IL1RAP: variants seen among roughly 807,000 people sequenced by gnomAD.
The protein encoded by IL1RAP is interleukin 1 receptor accessory protein.
A neutral mutation model predicts 60.7 loss-of-function variants in IL1RAP; 35 were observed. The observed-to-expected ratio is 0.58, with a 90% CI of 0.44 to 0.76. The LOEUF (loss-of-function observed/expected upper bound fraction) is 0.76, where lower values mean the gene tolerates loss of function less well. Among genes scored for constraint, IL1RAP ranks in the 30% least tolerant of loss-of-function variants. The probability of loss-of-function intolerance (pLI) is 0.00; values close to 1 mark genes in which losing one functional copy is unlikely to be tolerated. For synonymous variants in IL1RAP, 268 were observed against 250.9 expected (o/e 1.07, Z -0.64); for missense variants, 572 against 693.9 (o/e 0.82, Z 1.97).
At chr3:190,569,698 A>G (rs971782651) in intron 3 of IL1RAP, among the ~76,000 whole-genome samples, 3 of 152,144 alleles carry the variant, frequency 2.0e-5, no homozygotes, top group Non-Finnish European at 4.4e-5. Flanking sequence ...TTTAAGTACC[A>G]CATAATTGGC....
chr3:190,518,519 C>G (rs1721731109), intron 1 of IL1RAP: 2 of 152,092 alleles, frequency 1.3e-5, no homozygotes, highest in Non-Finnish European at 2.9e-5. Context: ...GAAACCGAGG[C>G]TCATAGAGTT....
Position 190,604,208 on chromosome 3 carries a change from C to T in IL1RAP, c.145C>T (p.Leu49Phe), listed in dbSNP as rs773812945. ...EDEPARIKCP[L>F]FEHFLKFNYS... ...TGAGCCAGCTCGCATCAAGTGCCCA[C>T]TCTTTGAACACTTCTTGAAATTCAA... Residue 49 changes from leucine (L) to phenylalanine (F), a missense_variant, in exon 4 of 12, where the codon CTC (leucine) becomes TTC (phenylalanine). Transcript: ENST00000447382. 1.9e-5 allele frequency: 31 copies of T among 1,613,994 alleles called. No individual in the cohort carries two copies. The South Asian group carries it at 3.2e-4, about 17-fold the overall frequency.
intron 1 of IL1RAP, among the ~76,000 whole-genome samples, chr3:190,529,621 G>T (rs1722812019): frequency 6.7e-6 from 1 of 149,640 alleles, no homozygotes; most frequent in Non-Finnish European, 1.5e-5. Context: ...GGAGGCGGAG[G>T]TTGCAGTGAG....
At chr3:190,592,046 A>G (rs771585990) in intron 3 of IL1RAP, among the ~76,000 whole-genome samples, 133 of 152,142 alleles carry the variant, frequency 8.7e-4, no homozygotes, top group Non-Finnish European at 1.7e-3. Flanking sequence ...TTGAGATGGA[A>G]TCTCGCTCTG....
At chr3:190,657,582 A>G (rs1460726299) in exon 12 of IL1RAP, 3 of 152,244 alleles carry the variant, frequency 2.0e-5, no homozygotes, top group African/African-American at 7.2e-5. Flanking sequence ...ATATGGCCAG[A>G]TACCAGCTTA....
intron 1 of IL1RAP, among the ~76,000 whole-genome samples, chr3:190,527,090 A>G (rs1722573795): frequency 6.6e-6 from 1 of 152,214 alleles, no homozygotes; most frequent in South Asian, 2.1e-4. Flanking sequence ...CTTGCTGGAA[A>G]GTTACTTTGT....
At position 190,634,707 on chromosome 3, in the gene IL1RAP, G is replaced by GTTTTTTTTTTTTT. The variant is rs1167445179; in HGVS notation, c.1051+5220_1051+5221insTTTTTTTTTTTTT. Among the ~76,000 whole-genome samples, 25 of 134,684 alleles carry GTTTTTTTTTTTTT rather than the reference G, an allele frequency of 1.9e-4. 2 individuals carry two copies. The highest frequency in any genetic ancestry group is 6.2e-4 in the African/African-American group (21 of 33,674). 88.4% of individuals were successfully genotyped at this position (134,684 alleles called of 152,430 possible). A position where few individuals can be genotyped will look rare whatever the true frequency, so the allele number is the denominator to read the frequency against. ...TCATATAACTATCTGGGCCTGTTGT[G>GTTTTTTTTTTTTT]TTTTTTTTTTTGTTGTTGTTTTTTT... On this transcript the variant is annotated intron_variant, in intron 9 of 11. Transcript: ENST00000447382.
chr3:190,631,640 T>A (rs1029025738), intron 9 of IL1RAP, among the ~76,000 whole-genome samples: 1 of 152,166 alleles, frequency 6.6e-6, no homozygotes, highest in Admixed American at 6.5e-5. Flanking sequence ...CAAAGCATTA[T>A]ATGAACTTCC....
intron 9 of IL1RAP, among the ~76,000 whole-genome samples, chr3:190,633,508 T>C (rs1309606784): frequency 6.6e-6 from 1 of 151,878 alleles, no homozygotes; most frequent in Non-Finnish European, 1.5e-5. Flanking sequence ...AGGTCCCCAC[T>C]ACCATACCCG....
At chr3:190,632,077 A>G (rs553411674) in intron 9 of IL1RAP, among the ~76,000 whole-genome samples, 35 of 152,324 alleles carry the variant, frequency 2.3e-4, no homozygotes, top group African/African-American at 8.4e-4. Context: ...TGCTGGGATT[A>G]CAGGTGTGAG....
At chr3:190,572,778 C>A (rs1210685900) in intron 3 of IL1RAP, among the ~76,000 whole-genome samples, 1 of 151,232 alleles carries the variant, frequency 6.6e-6, no homozygotes, top group Non-Finnish European at 1.5e-5. Context: ...AAAATAGAAA[C>A]CTTAAATATT....
At chr3:190,542,218 C>T (rs1411372556) in intron 1 of IL1RAP, among the ~76,000 whole-genome samples, 1 of 152,080 alleles carries the variant, frequency 6.6e-6, no homozygotes, top group Non-Finnish European at 1.5e-5. Flanking sequence ...AAATATTGAA[C>T]ACTTCATATA....
chr3:190,574,067 T>C (rs936762690), intron 3 of IL1RAP, among the ~76,000 whole-genome samples: 1 of 152,188 alleles, frequency 6.6e-6, no homozygotes, highest in African/African-American at 2.4e-5. Context: ...TCATTTAAAA[T>C]ACACCATGCT....
At chr3:190,629,761 G>GTGTC (rs1404938679) in intron 9 of IL1RAP, 2 of 1,159,606 alleles carry the variant, frequency 1.7e-6, no homozygotes, top group Non-Finnish European at 2.1e-6. Flanking sequence ...ACACAATTTT[G>GTGTC]TGTCTGTACA....
downstream of IL1RAP, among the ~76,000 whole-genome samples, chr3:190,655,241 A>G (rs570566127): frequency 3.2e-4 from 48 of 152,184 alleles, no homozygotes; most frequent in East Asian, 5.2e-3. Flanking sequence ...TCATAATACT[A>G]CTCTTAGAAG....
intron 8 of IL1RAP, among the ~76,000 whole-genome samples, chr3:190,627,787 A>C (rs1040630809): frequency 6.6e-5 from 10 of 152,212 alleles, no homozygotes; most frequent in Admixed American, 1.3e-4. Flanking sequence ...GAGAGAATAC[A>C]TATCTTACAT....
chr3:190,520,270 A>G (rs1721897116), intron 1 of IL1RAP, among the ~76,000 whole-genome samples: 1 of 152,222 alleles, frequency 6.6e-6, no homozygotes, highest in African/African-American at 2.4e-5. Flanking sequence ...ATGGGTTCAT[A>G]TTATGTCAGT....
At chr3:190,645,027 C>T (rs1291315490) in intron 10 of IL1RAP, among the ~76,000 whole-genome samples, 2 of 152,136 alleles carry the variant, frequency 1.3e-5, no homozygotes, top group Non-Finnish European at 2.9e-5. Flanking sequence ...GACTCAGAAT[C>T]TACATTTAAA....
intron 1 of IL1RAP, among the ~76,000 whole-genome samples, chr3:190,525,369 TG>T (rs1722420973): frequency 6.6e-6 from 1 of 151,840 alleles, no homozygotes; most frequent in South Asian, 2.1e-4. Flanking sequence ...GTCACTGAGG[TG>T]GTGGGCCAAG....
Sources: gnomAD v4.1 joint callset for allele counts (sites outside exome capture counted in the v4.1 genomes callset) on GRCh38, gnomAD v4.1.1 for gene constraint, MANE v1.5 for transcripts, NCBI Gene and HGNC (gene_info 2026-07-23, HGNC 2026-07-21) for gene names.